The following STAB2 variants were observed in gnomAD, a reference collection of about 807,000 sequenced individuals.
The protein encoded by STAB2 is stabilin-2.
In STAB2, 288 loss-of-function variants were observed where a neutral mutation model predicts 338.1. The ratio of observed to expected loss-of-function variants is 0.85; its 90% CI spans 0.77 to 0.94. The LOEUF (loss-of-function observed/expected upper bound fraction) is 0.94, where lower values mean the gene tolerates loss of function less well. Among genes scored for constraint, STAB2 ranks in the 40% least tolerant of loss-of-function variants. The pLI is 0.00. For synonymous variants in STAB2, 1,202 were observed against 1,193.3 expected, an observed-to-expected ratio of 1.01 and a Z score of -0.15; for missense variants, 3,141 against 3,210.1, an observed-to-expected ratio of 0.98 and a Z score of 0.52.
At chr12:103,714,813 A>G (rs570080759) in intron 42 of STAB2, among the ~76,000 whole-genome samples, 1 of 152,270 alleles carries the variant, frequency 6.6e-6, no homozygotes, top group East Asian at 1.9e-4. Context: ...TTGAGTGTAT[A>G]TTTCCTAAGA....
intron 41 of STAB2, among the ~76,000 whole-genome samples, chr12:103,713,344 T>G (rs538423474): frequency 1.3e-5 from 2 of 152,332 alleles, no homozygotes; most frequent in East Asian, 3.9e-4. Context: ...ACAATGATCA[T>G]GCCAATCTGC....
At chr12:103,649,808 A>C (rs1208126973) in intron 10 of STAB2, among the ~76,000 whole-genome samples, 1 of 152,154 alleles carries the variant, frequency 6.6e-6, no homozygotes, top group Admixed American at 6.5e-5. Flanking sequence ...AACTCTTAGA[A>C]TACCAAATGG....
chr12:103,652,612 A>C lies in STAB2; in HGVS notation c.1314A>C (p.Ile438=). 6.2e-7 allele frequency: 1 copy of C among 1,609,802 alleles called. No homozygotes were observed. Among genetic ancestry groups the C allele is most frequent in the South Asian group, 1.1e-5 (1 of 89,414 alleles). ...CTCAATACTTTGTGAAACTCCACAT[A>C]ATTGCTGGTCAGATGAACATCGAAT... is the stretch of plus-strand genomic sequence containing the variant. ...KAAQYFVKLH[I]IAGQMNIEYM... Residue 438 remains isoleucine (I), a synonymous_variant, in exon 12 of 69, where the codon ATA becomes ATC. Transcript: ENST00000388887.
intron 67 of STAB2, among the ~76,000 whole-genome samples, chr12:103,762,984 C>T (rs1884655053): frequency 6.6e-6 from 1 of 152,246 alleles, no homozygotes; most frequent in Admixed American, 6.5e-5. Context: ...CTGGCCCACC[C>T]TCTCCTCAAA....
intron 30 of STAB2, among the ~76,000 whole-genome samples, chr12:103,691,008 C>T (rs1384239332): frequency 6.6e-6 from 1 of 152,174 alleles, no homozygotes; most frequent in Non-Finnish European, 1.5e-5. Flanking sequence ...AATCAACCAA[C>T]AACTATTGAG....
intron 18 of STAB2, among the ~76,000 whole-genome samples, chr12:103,665,519 A>G (rs1593200406): frequency 1.3e-5 from 2 of 152,282 alleles, no homozygotes; most frequent in East Asian, 1.9e-4. Context: ...GGGACAGGAC[A>G]TAGAGTTACC....
intron 3 of STAB2, among the ~76,000 whole-genome samples, chr12:103,600,211 A>G (rs1195773800): frequency 6.6e-6 from 1 of 152,218 alleles, no homozygotes; most frequent in Non-Finnish European, 1.5e-5. Flanking sequence ...ACATTTCTGT[A>G]CATCTCATTT....
intron 23 of STAB2, 35 bp downstream of exon 23, chr12:103,674,122 G>A (rs1051126210): frequency 6.3e-7 from 1 of 1,587,956 alleles, no homozygotes; most frequent in Admixed American, 1.7e-5. Flanking sequence ...TAATGACGCT[G>A]AGTCATTAAG....
At chr12:103,758,858 A>T (rs1884329638) in intron 64 of STAB2, among the ~76,000 whole-genome samples, 1 of 152,062 alleles carries the variant, frequency 6.6e-6, no homozygotes, top group Non-Finnish European at 1.5e-5. Flanking sequence ...CTGAGGGCTG[A>T]GGAAAGCAAT....
chr12:103,762,802 G>A (rs1884639129), intron 67 of STAB2, among the ~76,000 whole-genome samples: 1 of 152,202 alleles, frequency 6.6e-6, no homozygotes, highest in Non-Finnish European at 1.5e-5. Context: ...GACAGGGCTA[G>A]GGACCCTACA....
intron 3 of STAB2, among the ~76,000 whole-genome samples, chr12:103,596,832 G>T (rs1460521386): frequency 2.6e-5 from 4 of 151,808 alleles, no homozygotes; most frequent in Non-Finnish European, 5.9e-5. Context: ...GGTGGCATGT[G>T]CCTCTAATCC....
chr12:103,660,640 G>A lies in STAB2; in HGVS notation c.1789-43G>A, dbSNP rs765966406. The A allele has an allele frequency of 1.3e-5, 21 of 1,594,296 alleles. 1 individual carries two copies. In the South Asian group the frequency reaches 2.3e-4, roughly 18 times the overall value. On this transcript the variant is annotated intron_variant, in intron 16 of 68. Coordinates refer to ENST00000388887, the MANE Select transcript of STAB2 (RefSeq NM_017564.10). ...ACTTTAAGAACTCAGGGCCCTGCGT[G>A]TGGTCCCAAATATCTCTGCCTTTTG...
intron 3 of STAB2, among the ~76,000 whole-genome samples, chr12:103,602,632 T>C (rs1332650893): frequency 1.3e-5 from 2 of 152,240 alleles, no homozygotes; most frequent in Non-Finnish European, 2.9e-5. Flanking sequence ...TGCTAGCAAT[T>C]GCTATAATCA....
intron 6 of STAB2, among the ~76,000 whole-genome samples, chr12:103,634,882 A>G (rs964787828): frequency 6.6e-6 from 1 of 152,260 alleles, no homozygotes; most frequent in Admixed American, 6.5e-5. Context: ...AAGTCCAGGA[A>G]AAATATATAA....
At chr12:103,644,446 G>A (rs1018536041) in intron 9 of STAB2, among the ~76,000 whole-genome samples, 2 of 150,248 alleles carry the variant, frequency 1.3e-5, no homozygotes, top group African/African-American at 4.9e-5. Context: ...TTGTTCACTT[G>A]TTTATCTGCT....
At chr12:103,672,767 T>G (rs1378679990) in intron 22 of STAB2, among the ~76,000 whole-genome samples, 1 of 152,198 alleles carries the variant, frequency 6.6e-6, no homozygotes, top group Non-Finnish European at 1.5e-5. Context: ...CGTGTTACAA[T>G]TTTTAAATAC....
In STAB2 at chr12:103,666,323, G is replaced by C. The variant is rs1875095990; in HGVS notation, c.2055G>C (p.Trp685Cys). 6.2e-7 allele frequency: 1 copy of C among 1,614,152 alleles called. No individual in the cohort carries two copies. The highest frequency in any genetic ancestry group is 8.5e-7 in the Non-Finnish European group (1 of 1,180,042). Residue 685 changes from tryptophan to cysteine, a missense_variant, in exon 19 of 69, where the codon TGG becomes TGC. Trp to Cys is a radical substitution (Grantham distance 215). Coordinates refer to ENST00000388887, the MANE Select transcript of STAB2 (RefSeq NM_017564.10). ...GTGTGAGCTGTTCTCTGGTGTACTG[G>C]AGCAGATGTCCTGCTAACTCTGAGC... is the stretch of plus-strand genomic sequence containing the variant. ...GTCVSCSLVY[W>C]SRCPANSEPT...
In STAB2 at chr12:103,594,471, C is replaced by G; in HGVS notation, c.292C>G (p.Pro98Ala). The part of the protein sequence containing the change: ...RHICRKDYLQ[P>A]RCCPGRWGPD... ...TATTTGTAGGAAGGACTATCTCCAA[C>G]CTCGGTGTTGTCCTGGCCGCTGGGG... The change falls in exon 3 of 69, where the codon CCT (proline) becomes GCT (alanine). Residue 98 changes from proline to alanine, a missense_variant. Physicochemically the swap from Pro to Ala is conservative, Grantham distance 27 (BLOSUM62 -1). Coordinates refer to ENST00000388887, the MANE Select transcript of STAB2 (RefSeq NM_017564.10). The G allele has an allele frequency of 6.2e-7, 1 of 1,614,004 alleles. No individual in the cohort carries two copies. Among genetic ancestry groups the G allele is most frequent in the African/African-American group, 1.3e-5 (1 of 75,030 alleles).
At chr12:103,764,980 C>A (rs977136865) in intron 68 of STAB2, among the ~76,000 whole-genome samples, 1 of 148,444 alleles carries the variant, frequency 6.7e-6, no homozygotes, top group African/African-American at 2.5e-5. Context: ...CCCAGCTACA[C>A]GGGAGGCTGA....
Sources: allele counts gnomAD v4.1 joint callset (sites outside exome capture counted in the v4.1 genomes callset), GRCh38; gene constraint gnomAD v4.1.1; transcripts MANE v1.5; gene names NCBI Gene and HGNC (gene_info 2026-07-23, HGNC 2026-07-21).